AGBL1: variants seen among roughly 807,000 people sequenced by gnomAD.
The protein encoded by AGBL1 is AGBL carboxypeptidase 1, also known as cytosolic carboxypeptidase 4.
A neutral mutation model predicts 118.9 loss-of-function variants in AGBL1; 130 were observed. The ratio of observed to expected loss-of-function variants is 1.09; its 90% CI spans 0.95 to 1.26. The LOEUF (loss-of-function observed/expected upper bound fraction) is 1.26. AGBL1 is among the 50% of genes most tolerant of loss of function. The pLI, the probability that AGBL1 is intolerant of heterozygous loss-of-function variation, is 0.00. For synonymous variants in AGBL1, 555 were observed against 478.9 expected (o/e 1.16, Z -2.08); for missense variants, 1,584 against 1,298.1 (o/e 1.22, Z -3.38).
intron 22 of AGBL1, among the ~76,000 whole-genome samples, chr15:86,838,335 T>A (rs2079196294): frequency 6.6e-6 from 1 of 152,108 alleles, no homozygotes; most frequent in African/African-American, 2.4e-5. Flanking sequence ...GGCTATAGAG[T>A]GTTTGTATAA....
intron 18 of AGBL1, among the ~76,000 whole-genome samples, chr15:86,497,165 G>C (rs1438028659): frequency 1.3e-5 from 2 of 151,908 alleles, no homozygotes; most frequent in African/African-American, 4.8e-5. Context: ...AGCAAAGAAA[G>C]TCAGCTATTT....
chr15:86,135,163 T>A (rs926919571), intron 1 of AGBL1, among the ~76,000 whole-genome samples: 1 of 152,136 alleles, frequency 6.6e-6, no homozygotes, highest in African/African-American at 2.4e-5. Flanking sequence ...CACTCCTGTT[T>A]CCCACGTGAG....
intron 1 of AGBL1, among the ~76,000 whole-genome samples, chr15:86,106,958 T>C: frequency 6.6e-6 from 1 of 152,186 alleles, no homozygotes; most frequent in Non-Finnish European, 1.5e-5. Context: ...TTTGCTTTGA[T>C]GTATTCCTGA....
chr15:86,174,289 T>C (rs1303630263), intron 5 of AGBL1, among the ~76,000 whole-genome samples: 2 of 152,272 alleles, frequency 1.3e-5, no homozygotes, highest in Admixed American at 1.3e-4. Context: ...TGATATTTGT[T>C]GATTTTGTAT....
intron 24 of AGBL1, among the ~76,000 whole-genome samples, chr15:87,003,681 C>T (rs4281675): frequency 9.2e-5 from 14 of 152,010 alleles, no homozygotes; most frequent in African/African-American, 3.1e-4. Context: ...TTCAGAGATT[C>T]AACTTCTTCC....
rs573674456 is a variant in AGBL1, at chr15:86,912,807, G to A, written c.*5513G>A. The A allele has an allele frequency of 6.6e-6, 1 of 152,308 alleles. No individual in the cohort carries two copies. Among genetic ancestry groups the A allele is most frequent in the Admixed American group, 6.5e-5 (1 of 15,300 alleles). The allele number at this position is 152,308 out of a possible 1,614,324, so 9.4% of individuals were successfully genotyped here. A position where few individuals can be genotyped will look rare whatever the true frequency, so the allele number is the denominator to read the frequency against. Reference sequence around the variant, plus strand: ...GGATTTGCATTAAAATGATGGATTTGTTTTGCCTTGCTGGTACAGCTCACC... The same window carrying A: ...GGATTTGCATTAAAATGATGGATTTATTTTGCCTTGCTGGTACAGCTCACC... On this transcript the variant is annotated 3_prime_UTR_variant, in exon 23 of 23. Transcript: ENST00000614907.
At chr15:86,245,299 T>C (rs1242742637) in intron 6 of AGBL1, among the ~76,000 whole-genome samples, 1 of 152,232 alleles carries the variant, frequency 6.6e-6, no homozygotes, top group Non-Finnish European at 1.5e-5. Flanking sequence ...AGATGAAATT[T>C]TGCTTATCTG....
At chr15:86,682,208 T>C (rs12898227) in intron 22 of AGBL1, among the ~76,000 whole-genome samples, 77,801 of 151,976 alleles carry the variant, frequency 0.51, 21,164 homozygotes, top group Non-Finnish European at 0.62. Context: ...GCCTGGGAAT[T>C]ATTATAGATT....
chr15:86,564,959 C>T (rs1475668086), intron 21 of AGBL1, among the ~76,000 whole-genome samples: 4 of 152,162 alleles, frequency 2.6e-5, no homozygotes, highest in Admixed American at 6.5e-5. Flanking sequence ...ACATAGATCT[C>T]GTGCCATGGT....
At chr15:86,786,348 A>G (rs2078412972) in intron 22 of AGBL1, among the ~76,000 whole-genome samples, 1 of 152,142 alleles carries the variant, frequency 6.6e-6, no homozygotes, top group East Asian at 1.9e-4. Context: ...CTGAAAGCTC[A>G]TGACTGCCAG....
At chr15:86,139,209 A>C (rs963534593) in intron 1 of AGBL1, among the ~76,000 whole-genome samples, 1 of 152,188 alleles carries the variant, frequency 6.6e-6, no homozygotes, top group African/African-American at 2.4e-5. Context: ...AAGATGTTAG[A>C]GGAAACCCAA....
intron 18 of AGBL1, among the ~76,000 whole-genome samples, chr15:86,414,607 A>G (rs2081665115): frequency 6.6e-6 from 1 of 152,184 alleles, no homozygotes; most frequent in Admixed American, 6.6e-5. Context: ...TTTTCTTTTA[A>G]TTGTAGAAAT....
chr15:86,596,588 T>G (rs978465576), intron 21 of AGBL1, among the ~76,000 whole-genome samples: 16 of 152,116 alleles, frequency 1.1e-4, no homozygotes, highest in African/African-American at 3.9e-4. Context: ...GGTGGACTTC[T>G]CTCTCTTTTT....
intron 17 of AGBL1, among the ~76,000 whole-genome samples, chr15:86,389,973 A>T (rs2081252427): frequency 6.6e-6 from 1 of 152,134 alleles, no homozygotes; most frequent in African/African-American, 2.4e-5. Context: ...AATTAAGATA[A>T]AACAGTGCTA....
chr15:86,974,594 T>C (rs1272804696), intron 23 of AGBL1, among the ~76,000 whole-genome samples: 5 of 140,266 alleles, frequency 3.6e-5, no homozygotes, highest in Non-Finnish European at 7.6e-5. Flanking sequence ...AAAAATTATA[T>C]ATAATTATAT....
intron 5 of AGBL1, among the ~76,000 whole-genome samples, chr15:86,196,868 T>TGCGCGCGCGTGCGC (rs1555446437): frequency 3.1e-5 from 3 of 95,718 alleles, no homozygotes; most frequent in African/African-American, 1.4e-4. Flanking sequence ...TGTGCACATG[T>TGCGCGCGCGTGCGC]GCGCGCGCGC....
chr15:86,213,685 A>G (rs578253601), intron 5 of AGBL1, among the ~76,000 whole-genome samples: 23 of 152,284 alleles, frequency 1.5e-4, no homozygotes, highest in Non-Finnish European at 2.8e-4. Context: ...GACCCAAGCA[A>G]CTTTTAAAAA....
At chr15:86,127,300 G>A (rs1361943495) in intron 1 of AGBL1, among the ~76,000 whole-genome samples, 3 of 152,146 alleles carry the variant, frequency 2.0e-5, no homozygotes, top group Non-Finnish European at 2.9e-5. Flanking sequence ...ATAACATTGT[G>A]TTTATTATTG....
intron 5 of AGBL1, 29 bp from the exon 6 acceptor site, chr15:86,224,885 G>A (rs1169183449): frequency 6.2e-7 from 1 of 1,611,968 alleles, no homozygotes; most frequent in Admixed American, 1.7e-5. Flanking sequence ...ATTGAATGTT[G>A]ACTGTTACTT....
Sources: gnomAD v4.1 joint callset for allele counts (sites outside exome capture counted in the v4.1 genomes callset) on GRCh38, gnomAD v4.1.1 for gene constraint, MANE v1.5 for transcripts, NCBI Gene and HGNC (gene_info 2026-07-23, HGNC 2026-07-21) for gene names.